MYADML2: variants seen among roughly 807,000 people sequenced by gnomAD.
MYADML2 encodes myeloid-associated differentiation marker-like protein 2.
MYADML2 carries 17 observed loss-of-function variants against 16.0 expected under a neutral mutation model. The observed-to-expected ratio is 1.06, with a 90% confidence interval of 0.73 to 1.60. MYADML2 has a LOEUF of 1.60. Among genes scored for constraint, MYADML2 ranks in the 40% most tolerant of loss-of-function variants. The probability of loss-of-function intolerance (pLI) is 0.00; values close to 1 mark genes in which losing one functional copy is unlikely to be tolerated. For synonymous variants in MYADML2, 210 were observed against 208.1 expected, an observed-to-expected ratio of 1.01 and a Z score of -0.08; for missense variants, 422 against 437.7, an observed-to-expected ratio of 0.96 and a Z score of 0.32.
At chr17:81,945,305 C>T (rs569293869) in intron 1 of MYADML2, among the ~76,000 whole-genome samples, 21 of 151,716 alleles carry the variant, frequency 1.4e-4, no homozygotes, top group East Asian at 1.2e-3. Flanking sequence ...TTTGGGAGGC[C>T]AAGGTGGGCG....
intron 1 of MYADML2, among the ~76,000 whole-genome samples, chr17:81,944,370 C>T (rs1230576164): frequency 1.4e-5 from 2 of 145,170 alleles, no homozygotes; most frequent in Non-Finnish European, 3.0e-5. Context: ...GAGCTGAGAT[C>T]GCAACAGAGC....
intron 1 of MYADML2, among the ~76,000 whole-genome samples, chr17:81,946,309 C>A (rs1053945448): frequency 7.9e-5 from 12 of 151,738 alleles, no homozygotes; most frequent in African/African-American, 1.9e-4. Flanking sequence ...CAGCCGAGAT[C>A]GTGCCACTGC....
intron 1 of MYADML2, among the ~76,000 whole-genome samples, chr17:81,943,390 AT>A (rs1382454626): frequency 1.4e-5 from 2 of 143,164 alleles, no homozygotes; most frequent in Non-Finnish European, 1.5e-5. Context: ...TTTCTTACTA[AT>A]TTTTTTTTCT....
chr17:81,946,826 A>C (rs1212516207), intron 1 of MYADML2, among the ~76,000 whole-genome samples: 1 of 151,702 alleles, frequency 6.6e-6, no homozygotes, highest in Non-Finnish European at 1.5e-5. Context: ...AAATAACAGA[A>C]ATTAGCCAGG....
Position 81,941,006 on chromosome 17 carries a change from C to T in MYADML2, c.736G>A (p.Ala246Thr), listed in dbSNP as rs1162768875. The change falls in exon 3 of 3, where the codon GCC becomes ACC. Residue 246 changes from alanine (A) to threonine (T), a missense_variant. By Grantham distance (58) the Ala-to-Thr change is moderately conservative. Transcript: ENST00000409745. The stretch of plus-strand genomic sequence containing the variant: ...AAACAGAAGACTGGCCAGATCACGG[C>T]GGCGCTGAGGTACAGGAGCACAGCC... ...FLAVLLYLSA[A>T]VIWPVFCFDP... 3.9e-6 allele frequency: 6 copies of T among 1,550,442 alleles called. No homozygotes were observed. Among genetic ancestry groups the T allele is most frequent in the Admixed American group, 3.9e-5 (2 of 50,988 alleles).
At chr17:81,946,003 T>C (rs550876674) in intron 1 of MYADML2, among the ~76,000 whole-genome samples, 1 of 152,120 alleles carries the variant, frequency 6.6e-6, no homozygotes, top group South Asian at 2.1e-4. Context: ...CCTGCTACAT[T>C]TGGTCATCTG....
In MYADML2 at chr17:81,941,153, A is replaced by G; in HGVS notation, c.589T>C (p.Cys197Arg). Residue 197 changes from cysteine to arginine, a missense_variant, in exon 3 of 3, where the codon TGC (cysteine) becomes CGC (arginine). Transcript: ENST00000409745. Reference sequence around the variant, plus strand: ...AAGCACAGGCTGTAGACGGCCACGCACCACTGGGTGGCCACGTAGCGCCCG... The same window carrying G: ...AAGCACAGGCTGTAGACGGCCACGCGCCACTGGGTGGCCACGTAGCGCCCG... ...RYGRYVATQW[C>R]VAVYSLCFLA... 1.3e-6 allele frequency: 2 copies of G among 1,550,138 alleles called. No homozygotes were observed. Among genetic ancestry groups the G allele is most frequent in the Middle Eastern group, 1.7e-4 (1 of 5,992 alleles).
chr17:81,942,094 C>A lies in MYADML2; in HGVS notation c.-103+202G>T. On this transcript the variant is annotated intron_variant, in intron 2 of 2. Coordinates refer to ENST00000409745, the MANE Select transcript of MYADML2 (RefSeq NM_001145113.3). The surrounding 1 kb of genome is among the most constrained non-coding windows in gnomAD (Gnocchi z 4.4). ...TCCCGCGCACCTGCATCTGTCAATC[C>A]GGTCAGTTGGTTTCACGCTTGTGGG... 4.7e-6 allele frequency: 1 copy of A among 214,468 alleles called. No homozygotes were observed. 13.3% of individuals were successfully genotyped at this position (214,468 alleles called of 1,614,324 possible). A position where few individuals can be genotyped will look rare whatever the true frequency, so the allele number is the denominator to read the frequency against.
Position 81,942,876 on chromosome 17 carries a change from A to G in MYADML2, c.-180-503T>C, listed in dbSNP as rs545672442. The stretch of plus-strand genomic sequence containing the variant: ...CCTCTTTTTTTTCGAGATAGGGTCT[A>G]GCTTTGTCGCTCAGGTTGGAATGCA... On this transcript the variant is annotated intron_variant, in intron 1 of 2. Transcript: ENST00000409745. The surrounding 1 kb of genome is among the most constrained non-coding windows in gnomAD (Gnocchi z 4.4). Among the ~76,000 whole-genome samples the G allele has an allele frequency of 4.0e-5, 6 of 151,476 alleles. No homozygotes were observed. The South Asian group carries it at 6.3e-4, about 16-fold the overall frequency.
At chr17:81,946,727 G>A (rs1376240321) in intron 1 of MYADML2, among the ~76,000 whole-genome samples, 5 of 152,142 alleles carry the variant, frequency 3.3e-5, no homozygotes, top group Non-Finnish European at 5.9e-5. Context: ...ATCCAGCACT[G>A]TTGGGAGGCG....
At chr17:81,943,782 C>T (rs970234791) in intron 1 of MYADML2, among the ~76,000 whole-genome samples, 1 of 152,076 alleles carries the variant, frequency 6.6e-6, no homozygotes, top group Non-Finnish European at 1.5e-5. Context: ...TCTGGTATAT[C>T]CTTGTATGTA....
Position 81,942,204 on chromosome 17 carries a change from GT to G in MYADML2, c.-103+91del, listed in dbSNP as rs947984152. ...GCTCCAGCAGCCTCCAGGGCCAGCT[GT>G]GCGGGGGAGGGGTGTAGGAGGCAGG... On this transcript the variant is annotated intron_variant, in intron 2 of 2. Coordinates refer to ENST00000409745, the MANE Select transcript of MYADML2 (RefSeq NM_001145113.3). This position sits in a 1 kb window ranked among gnomAD's most constrained non-coding sequence, Gnocchi z 4.4. 1 of 156,722 alleles carries G rather than the reference GT, an allele frequency of 6.4e-6. No homozygotes were observed. The highest frequency in any genetic ancestry group is 2.4e-5 in the African/African-American group (1 of 41,604). 9.7% of individuals were successfully genotyped at this position (156,722 alleles called of 1,614,324 possible).
intron 1 of MYADML2, among the ~76,000 whole-genome samples, chr17:81,945,166 C>T (rs953745003): frequency 4.0e-5 from 6 of 151,138 alleles, no homozygotes; most frequent in South Asian, 2.1e-4. Flanking sequence ...TTTGGGAGGC[C>T]GAGGCAGGTA....
intron 1 of MYADML2, among the ~76,000 whole-genome samples, 151 bp downstream of exon 1, chr17:81,946,908 C>T (rs1234666670): frequency 5.3e-5 from 8 of 152,098 alleles, no homozygotes; most frequent in African/African-American, 1.9e-4. Flanking sequence ...ACCTGGGAGG[C>T]GGAGATTGCA....
intron 1 of MYADML2, among the ~76,000 whole-genome samples, chr17:81,945,366 C>G (rs575289871): frequency 6.6e-6 from 1 of 152,036 alleles, no homozygotes; most frequent in Non-Finnish European, 1.5e-5. Context: ...AGTGAAACCC[C>G]ATCTCTACTA....
At chr17:81,945,052 G>A (rs1175228182) in intron 1 of MYADML2, among the ~76,000 whole-genome samples, 1 of 151,964 alleles carries the variant, frequency 6.6e-6, no homozygotes, top group Non-Finnish European at 1.5e-5. Context: ...GATCACTTGA[G>A]CTCAGGAGTT....
Position 81,940,939 on chromosome 17 carries a change from G to A in MYADML2, c.803C>T (p.Ala268Val). 1 of 1,550,348 alleles carries A rather than the reference G, an allele frequency of 6.5e-7. No homozygotes were observed. The highest frequency in any genetic ancestry group is 8.7e-7 in the Non-Finnish European group (1 of 1,146,718). The change falls in exon 3 of 3, where the codon GCT becomes GTT. Residue 268 changes from alanine to valine, a missense_variant. By Grantham distance (64) the Ala-to-Val change is moderately conservative (BLOSUM62 0). Transcript: ENST00000409745. Reference sequence around the variant, plus strand: ...GCTGTCCCAGGGACAGCTGCCCCGAGCACAGTTGGGGGGCCGTTTGGGCTC... The same window carrying A: ...GCTGTCCCAGGGACAGCTGCCCCGAACACAGTTGGGGGGCCGTTTGGGCTC... ...YGEPKRPPNC[A>V]RGSCPWDSQL...
Position 81,940,952 on chromosome 17 carries a change from G to T in MYADML2, c.790C>A (p.Pro264Thr). ...FDPKYGEPKR[P>T]PNCARGSCPW... ...CAGCTGCCCCGAGCACAGTTGGGGG[G>T]CCGTTTGGGCTCACCGTACTTGGGA... The change falls in exon 3 of 3, where the codon CCC becomes ACC. Residue 264 changes from proline to threonine, a missense_variant. Physicochemically the swap from Pro to Thr is conservative, Grantham distance 38. Coordinates refer to ENST00000409745, the MANE Select transcript of MYADML2 (RefSeq NM_001145113.3). The T allele has an allele frequency of 6.4e-7, 1 of 1,550,592 alleles. No homozygotes were observed. The highest frequency in any genetic ancestry group is 8.7e-7 in the Non-Finnish European group (1 of 1,146,922).
rs2041314954 is a variant in MYADML2 at position 81,942,602 on chromosome 17, C to G, written c.-180-229G>C. ...TTTTTTTTTGAGATGGAGCCTCGCT[C>G]TGTCACCCAGGCTGGAGTGCAATGG... On this transcript the variant is annotated intron_variant, in intron 1 of 2. Coordinates refer to ENST00000409745, the MANE Select transcript of MYADML2 (RefSeq NM_001145113.3). This position sits in a 1 kb window ranked among gnomAD's most constrained non-coding sequence, Gnocchi z 4.4. 6.6e-6 allele frequency among the ~76,000 whole-genome samples: 1 copy of G among 152,216 alleles called. No individual in the cohort carries two copies. The highest frequency in any genetic ancestry group is 2.4e-5 in the African/African-American group (1 of 41,458).
Sources: gnomAD v4.1 joint callset for allele counts (sites outside exome capture counted in the v4.1 genomes callset) on GRCh38, gnomAD v4.1.1 for gene constraint, Gnocchi (gnomAD v3.1) non-coding constraint, MANE v1.5 for transcripts, NCBI Gene and HGNC (gene_info 2026-07-23, HGNC 2026-07-21) for gene names.